The following ASB2 variants were observed in gnomAD, a reference collection of about 807,000 sequenced individuals.
The protein encoded by ASB2 is ankyrin repeat and SOCS box protein 2.
Under a neutral mutation model 62.4 loss-of-function variants are expected in ASB2, and 58 were observed. The observed-to-expected ratio is 0.93, with a 90% CI of 0.75 to 1.16. ASB2 has a LOEUF of 1.16. ASB2 is among the 50% of genes most tolerant of loss of function. The pLI is 0.00. For missense variants in ASB2, 928 were observed against 887.9 expected (o/e 1.05, Z -0.57); for synonymous variants, 386 against 385.3 (o/e 1.00, Z -0.02).
rs778386180 is a variant in ASB2, at chr14:93,939,358, G to T, written c.1367C>A (p.Thr456Lys). The change falls in exon 8 of 10, where the codon ACA (threonine) becomes AAA (lysine). Residue 456 changes from threonine to lysine, a missense_variant. Thr to Lys is a moderately conservative substitution (Grantham distance 78). Transcript: ENST00000555019. Reference protein sequence around the residue: ...LVAIRHGCLRTMQLLLDHGAN... With the variant: ...LVAIRHGCLRKMQLLLDHGAN... ...GCCGTGGTCCAGCAGCAGCTGCATTGTGCGCAGGCAGCCGTGGCGGATGGC... is the reference window on the plus strand; with the variant it reads ...GCCGTGGTCCAGCAGCAGCTGCATTTTGCGCAGGCAGCCGTGGCGGATGGC... 4 of 1,612,846 alleles carry T rather than the reference G, an allele frequency of 2.5e-6. No homozygotes were observed. The East Asian group carries it at 8.9e-5, about 36-fold the overall frequency.
At chr14:93,939,941 A>C in intron 7 of ASB2, 1 of 415,270 alleles carries the variant, frequency 2.4e-6, no homozygotes, top group Non-Finnish European at 4.2e-6. Context: ...ATAGCCAGTA[A>C]GGGGCAGAGC....
Position 93,937,734 on chromosome 14 carries a change from T to A in ASB2, c.1735A>T (p.Ser579Cys). The change falls in exon 9 of 10, where the codon AGC becomes TGC. Residue 579 changes from serine (S) to cysteine (C), a missense_variant. Physicochemically the swap from Ser to Cys is moderately radical, Grantham distance 112 (BLOSUM62 -1). Coordinates refer to ENST00000555019, the MANE Select transcript of ASB2 (RefSeq NM_001202429.2). ...LCSRLKEHID[S>C]FEDWAVIKEK... ...TTGATGACGGCCCAGTCCTCAAAGC[T>A]GTCGATGTGTTCCTTCAGCCGCGAG... 1 of 1,612,676 alleles carries A rather than the reference T, an allele frequency of 6.2e-7. No homozygotes were observed. Among genetic ancestry groups the A allele is most frequent in the Non-Finnish European group, 8.5e-7 (1 of 1,178,736 alleles).
intron 8 of ASB2, 135 bp downstream of exon 8, chr14:93,938,973 G>A (rs1377902843): frequency 3.8e-6 from 3 of 789,240 alleles, no homozygotes; most frequent in African/African-American, 1.9e-5. Context: ...CACTTCCCCC[G>A]AAGGGTGTTA....
At chr14:93,949,158 T>C (rs941481) in intron 6 of ASB2, among the ~76,000 whole-genome samples, 124,872 of 152,196 alleles carry the variant, frequency 0.82, 51,518 homozygotes, top group Middle Eastern at 0.94. Flanking sequence ...CTAAGATGCT[T>C]GAAGATGTCA....
At chr14:93,938,406 A>T (rs1888359551) in intron 8 of ASB2, among the ~76,000 whole-genome samples, 1 of 151,710 alleles carries the variant, frequency 6.6e-6, no homozygotes. Context: ...CACTTGGCTA[A>T]TTTTTTTGTA....
At chr14:93,975,361 A>G (rs1322355715) in intron 1 of ASB2, among the ~76,000 whole-genome samples, 2 of 152,174 alleles carry the variant, frequency 1.3e-5, no homozygotes, top group Non-Finnish European at 2.9e-5. Flanking sequence ...AGAGCCACCG[A>G]AGCCAAATCT....
chr14:93,939,564 C>G lies in ASB2; in HGVS notation c.1161G>C (p.Ala387=), dbSNP rs548812381. 1.3e-6 allele frequency: 2 copies of G among 1,592,374 alleles called. No homozygotes were observed. Among genetic ancestry groups the G allele is most frequent in the Non-Finnish European group, 1.7e-6 (2 of 1,172,368 alleles). Residue 387 remains alanine (A), a synonymous_variant, in exon 8 of 10, where the codon GCG becomes GCC. Transcript: ENST00000555019. The part of the protein sequence containing the change: ...AERNHDEVLE[A]LLSARFDVNT... ...TCACGTCGAAGCGCGCGCTCAGCAG[C>G]GCCTCCAGCACCTCGTCGTGGTTGC...
At chr14:93,942,389 G>C in intron 7 of ASB2, 2 of 429,506 alleles carry the variant, frequency 4.7e-6, no homozygotes, top group Non-Finnish European at 9.6e-6. Context: ...GACCGGAGCA[G>C]ATCCAGCTCA....
In ASB2 at chr14:93,934,420, G is replaced by A. The variant is rs1381819886; in HGVS notation, c.*236C>T. 1.9e-6 allele frequency: 1 copy of A among 538,710 alleles called. No individual in the cohort carries two copies. The highest frequency in any genetic ancestry group is 3.3e-6 in the Non-Finnish European group (1 of 299,264). 33.4% of individuals were successfully genotyped at this position (538,710 alleles called of 1,614,324 possible). On this transcript the variant is annotated 3_prime_UTR_variant, in exon 10 of 10. Transcript: ENST00000555019. The stretch of plus-strand genomic sequence containing the variant: ...CATTCCTGAAGGTAGAGAAGGTCTG[G>A]GATCTGCTCATCAGTTTGTAAACAA...
At chr14:93,949,142 A>G (rs1431135990) in intron 6 of ASB2, among the ~76,000 whole-genome samples, 1 of 152,202 alleles carries the variant, frequency 6.6e-6, no homozygotes, top group Non-Finnish European at 1.5e-5. Flanking sequence ...CTGGAAGGAC[A>G]TGGAACTAAG....
rs747481090 is a variant in ASB2, at chr14:93,939,496, C to G, written c.1229G>C (p.Arg410Pro). ...CGCGAAGTACAGCGCGGAGCTGCGC[C>G]GGTCTTCGTAGAGGCGCGCGCGCTC... is the stretch of plus-strand genomic sequence containing the variant. ...APERARLYED[R>P]RSSALYFAVV... is the part of the protein sequence containing the mutation. The change falls in exon 8 of 10, where the codon CGG becomes CCG. Residue 410 changes from arginine (R) to proline (P), a missense_variant. By Grantham distance (103) the Arg-to-Pro change is moderately radical. Transcript: ENST00000555019. The G allele has an allele frequency of 3.1e-6, 5 of 1,610,746 alleles. No individual in the cohort carries two copies. Among genetic ancestry groups the G allele is most frequent in the South Asian group, 1.1e-5 (1 of 90,928 alleles).
intron 2 of ASB2, chr14:93,957,081 C>T (rs192814902): frequency 1.1e-4 from 161 of 1,443,042 alleles, no homozygotes; most frequent in Non-Finnish European, 1.4e-4. Flanking sequence ...TGGAGGAAGC[C>T]CTGGGAGATT....
chr14:93,958,580 TC>T, intron 2 of ASB2, among the ~76,000 whole-genome samples: 1 of 152,334 alleles, frequency 6.6e-6, no homozygotes, highest in Admixed American at 6.5e-5. Flanking sequence ...ACTGGGGATG[TC>T]CACACTGTTT....
intron 7 of ASB2, chr14:93,941,715 C>T (rs540969596): frequency 1.5e-5 from 7 of 456,100 alleles, no homozygotes; most frequent in East Asian, 1.4e-4. Flanking sequence ...GCCCCGGGGC[C>T]GCTGGACAGA....
At chr14:93,950,342 C>A (rs544741602) in intron 6 of ASB2, among the ~76,000 whole-genome samples, 4 of 152,302 alleles carry the variant, frequency 2.6e-5, no homozygotes, top group South Asian at 2.1e-4. Context: ...GCAAGTCTGC[C>A]ATGTCTCGTG....
intron 1 of ASB2, among the ~76,000 whole-genome samples, chr14:93,974,910 C>A (rs1281198521): frequency 6.6e-6 from 1 of 152,224 alleles, no homozygotes; most frequent in East Asian, 1.9e-4. Flanking sequence ...CAGTGTCCCC[C>A]ACCCCCGCCA....
rs755022791 is a variant in ASB2 at position 93,964,518 on chromosome 14, G to A, written c.22C>T (p.Arg8Trp). The A allele has an allele frequency of 5.3e-5, 82 of 1,536,074 alleles. No individual in the cohort carries two copies. Among genetic ancestry groups the A allele is most frequent in the Non-Finnish European group, 6.4e-5 (73 of 1,146,896 alleles). Residue 8 changes from arginine (R) to tryptophan (W), a missense_variant, in exon 2 of 10, where the codon CGG becomes TGG. Arg to Trp is a moderately radical substitution (Grantham distance 101, BLOSUM62 -3). Transcript: ENST00000555019. ...TGCCCAATGGTACACTGGCTGCCCC[G>A]AGTGCTGATCTGCGTGGCCATCCTC... MATQIST[R>W]GSQCTIGQEE...
At chr14:93,946,082 G>A (rs1451733413) in intron 7 of ASB2, among the ~76,000 whole-genome samples, 14 of 152,230 alleles carry the variant, frequency 9.2e-5, no homozygotes, top group Admixed American at 9.2e-4. Flanking sequence ...TAAACGATGA[G>A]AGTATAGATA....
chr14:93,967,818 G>A (rs1045697541), intron 1 of ASB2, among the ~76,000 whole-genome samples: 2 of 152,074 alleles, frequency 1.3e-5, no homozygotes, highest in East Asian at 3.9e-4. Flanking sequence ...GGAGTGGAGG[G>A]ATCTTGAGTC....
Sources: gnomAD v4.1 joint callset for allele counts (sites outside exome capture counted in the v4.1 genomes callset) on GRCh38, gnomAD v4.1.1 for gene constraint, MANE v1.5 for transcripts, NCBI Gene and HGNC (gene_info 2026-07-23, HGNC 2026-07-21) for gene names.